Variants in MMP13 observed in about 807,000 individuals in gnomAD.
MMP13 encodes the protein collagenase 3.
In MMP13, 45 loss-of-function variants were observed where a neutral mutation model predicts 52.1. The ratio of observed to expected loss-of-function variants is 0.86; its 90% CI spans 0.68 to 1.11. MMP13 has a LOEUF of 1.11. Among genes scored for constraint, MMP13 ranks in the 50% least tolerant of loss-of-function variants. The pLI is 0.00. For synonymous variants in MMP13, 200 were observed against 204.4 expected, an observed-to-expected ratio of 0.98 and a Z score of 0.18; for missense variants, 576 against 583.8, an observed-to-expected ratio of 0.99 and a Z score of 0.14.
At chr11:102,946,856 T>A (rs1042402519) in intron 8 of MMP13, among the ~76,000 whole-genome samples, 3 of 152,170 alleles carry the variant, frequency 2.0e-5, no homozygotes, top group Non-Finnish European at 2.9e-5. Context: ...AGATGATATA[T>A]ACAGGTATGT....
chr11:102,944,454 C>G, intron 9 of MMP13, 88 bp from the exon 10 acceptor site: 1 of 937,148 alleles, frequency 1.1e-6, no homozygotes, highest in East Asian at 2.5e-5. Flanking sequence ...TCTCTTAGAT[C>G]CCATTTGTAG....
At chr11:102,951,669 T>A (rs1860614285) in intron 5 of MMP13, among the ~76,000 whole-genome samples, 1 of 152,126 alleles carries the variant, frequency 6.6e-6, no homozygotes, top group African/African-American at 2.4e-5. Context: ...ATTTTGTCAT[T>A]GGGTGAATAT....
chr11:102,946,074 A>G (rs1312191158), intron 8 of MMP13, among the ~76,000 whole-genome samples: 1 of 152,240 alleles, frequency 6.6e-6, no homozygotes, highest in Non-Finnish European at 1.5e-5. Flanking sequence ...ATGTTTGTGC[A>G]TAGAACAATT....
intron 7 of MMP13, among the ~76,000 whole-genome samples, chr11:102,948,561 T>C (rs17860565): frequency 0.011 from 1,745 of 152,264 alleles, 13 homozygotes; most frequent in Non-Finnish European, 0.02. Context: ...TGGAAATTGG[T>C]CATAATTTTA....
intron 8 of MMP13, among the ~76,000 whole-genome samples, chr11:102,946,212 T>C (rs1239343816): frequency 1.3e-5 from 2 of 152,200 alleles, no homozygotes; most frequent in African/African-American, 4.8e-5. Context: ...CATATGGTAA[T>C]ACTAAAGGTA....
chr11:102,955,466 T>C lies in MMP13; in HGVS notation c.148A>G (p.Thr50Ala). 1 of 1,614,032 alleles carries C rather than the reference T, an allele frequency of 6.2e-7. No individual in the cohort carries two copies. Among genetic ancestry groups the C allele is most frequent in the Non-Finnish European group, 8.5e-7 (1 of 1,179,926 alleles). Reference sequence around the variant, plus strand: ...TCCTTCAGGATTCCCGCGAGATTTGTAGGATGGTAGTATGATCTCAGGTAG... The same window carrying C: ...TCCTTCAGGATTCCCGCGAGATTTGCAGGATGGTAGTATGATCTCAGGTAG... ...ERYLRSYYHP[T>A]NLAGILKENA... Residue 50 changes from threonine (T) to alanine (A), a missense_variant, in exon 2 of 10, where the codon ACA becomes GCA. Physicochemically the swap from Thr to Ala is moderately conservative, Grantham distance 58. Transcript: ENST00000260302. The surrounding 1 kb of genome is among the most constrained non-coding windows in gnomAD (Gnocchi z 4.9).
intron 4 of MMP13, among the ~76,000 whole-genome samples, chr11:102,953,297 A>G (rs1445205497): frequency 6.6e-6 from 1 of 152,216 alleles, no homozygotes; most frequent in Non-Finnish European, 1.5e-5. Context: ...CCTGTGAAAT[A>G]CCCAGAACAT....
At chr11:102,948,908 T>A in intron 7 of MMP13, 117 bp downstream of exon 7, 1 of 1,396,310 alleles carries the variant, frequency 7.2e-7, no homozygotes, top group Non-Finnish European at 1.0e-6. Flanking sequence ...TTTTTAATAC[T>A]TGGTCTTTAA....
chr11:102,955,288 C>A lies in MMP13; in HGVS notation c.326G>T (p.Arg109Leu), dbSNP rs189974040. ...PDVGEYNVFP[R>L]TLKWSKMNLT... is the part of the protein sequence containing the mutation. ...ATTCATTTTGGACCATTTAAGAGTT[C>A]GAGGGAAAACATTGTATTCACCCAC... is the stretch of plus-strand genomic sequence containing the variant. Residue 109 changes from arginine (R) to leucine (L), a missense_variant, in exon 2 of 10, where the codon CGA becomes CTA. Arg to Leu is a moderately radical substitution (Grantham distance 102, BLOSUM62 -2). Coordinates refer to ENST00000260302, the MANE Select transcript of MMP13 (RefSeq NM_002427.4). The surrounding 1 kb of genome is among the most constrained non-coding windows in gnomAD (Gnocchi z 4.9). 2.7e-5 allele frequency: 43 copies of A among 1,613,850 alleles called. No homozygotes were observed. In the Admixed American group the frequency reaches 6.7e-4, roughly 25 times the overall value.
At position 102,954,504 on chromosome 11, in the gene MMP13, T is replaced by G. The variant is rs143292324; in HGVS notation, c.465A>C (p.Arg155Ser). 5 of 1,613,724 alleles carry G rather than the reference T, an allele frequency of 3.1e-6. No homozygotes were observed. In the African/African-American group the frequency reaches 6.7e-5, roughly 22 times the overall value. The change falls in exon 3 of 10, where the codon AGA becomes AGC. Residue 155 changes from arginine (R) to serine (S), a missense_variant. By Grantham distance (110) the Arg-to-Ser change is moderately radical. Transcript: ENST00000260302. Reference protein sequence around the residue: ...WSDVTPLNFTRLHDGIADIMI... With the variant: ...WSDVTPLNFTSLHDGIADIMI... ...TGATGTCAGCAATGCCATCGTGAAG[T>G]CTGGTAAAATTCAGAGGAGTTACAT...
chr11:102,951,526 G>A (rs1365247702), intron 5 of MMP13, among the ~76,000 whole-genome samples: 2 of 152,028 alleles, frequency 1.3e-5, no homozygotes, highest in African/African-American at 4.8e-5. Context: ...GATTTGGAAA[G>A]AAAAAATGGG....
At chr11:102,948,905 T>C in intron 7 of MMP13, 120 bp downstream of exon 7, 1 of 1,372,142 alleles carries the variant, frequency 7.3e-7, no homozygotes, top group Non-Finnish European at 1.0e-6. Flanking sequence ...ATTTTTTTAA[T>C]ACTTGGTCTT....
At chr11:102,953,553 C>A (rs1860646583) in intron 4 of MMP13, among the ~76,000 whole-genome samples, 1 of 152,164 alleles carries the variant, frequency 6.6e-6, no homozygotes, top group Non-Finnish European at 1.5e-5. Context: ...GATTTAACTA[C>A]TAACTGATCT....
intron 4 of MMP13, among the ~76,000 whole-genome samples, chr11:102,953,093 A>G (rs1860638241): frequency 6.6e-6 from 1 of 152,142 alleles, no homozygotes; most frequent in South Asian, 2.1e-4. Flanking sequence ...CTAATTCTTC[A>G]CTGAATGACT....
In MMP13 at chr11:102,954,566, C is replaced by A. The variant is rs759134930; in HGVS notation, c.403G>T (p.Glu135Ter). 2 of 1,613,380 alleles carry A rather than the reference C, an allele frequency of 1.2e-6. No individual in the cohort carries two copies. The highest frequency in any genetic ancestry group is 1.7e-6 in the Non-Finnish European group (2 of 1,179,674). Reference protein sequence around the residue: ...YTPDMTHSEVEKAFKKAFKVW... With the variant: ...YTPDMTHSEV ...TTGAAGGCTTTTTTGAATGCCTTTT[C>A]GACTTCAGAATGAGTCATATCAGGG... The change falls in exon 3 of 10, where the codon GAA becomes TAA. Residue 135 changes from glutamate to a stop codon, truncating the protein, a stop_gained. Transcript: ENST00000260302. LOFTEE classifies it high-confidence loss of function.
In MMP13 at chr11:102,952,053, A is replaced by G. The variant is rs782254764; in HGVS notation, c.758T>C (p.Met253Thr). The G allele has an allele frequency of 6.8e-6, 11 of 1,613,426 alleles. No individual in the cohort carries two copies. Among genetic ancestry groups the G allele is most frequent in the Non-Finnish European group, 9.3e-6 (11 of 1,179,470 alleles). The change falls in exon 5 of 10, where the codon ATG becomes ACG. Residue 253 changes from methionine to threonine, a missense_variant. Coordinates refer to ENST00000260302, the MANE Select transcript of MMP13 (RefSeq NM_002427.4). This position sits in a 1 kb window ranked among gnomAD's most constrained non-coding sequence, Gnocchi z 4.3. ...CCCTTGTACATCGTCATCAGGAAGC[A>G]TAAAGTGGCTTTTGCCGGTGTAGGT... ...IYTYTGKSHF[M>T]LPDDDVQGIQ...
At chr11:102,954,015 A>G (rs1439730030) in intron 4 of MMP13, 141 bp downstream of exon 4, 9 of 916,790 alleles carry the variant, frequency 9.8e-6, no homozygotes, top group Admixed American at 2.5e-5. Context: ...TAGAGACACT[A>G]ATACATCTAA....
chr11:102,954,522 A>C lies in MMP13; in HGVS notation c.447T>G (p.Thr149=), dbSNP rs746081572. ...CGTGAAGTCTGGTAAAATTCAGAGGAGTTACATCGGACCAAACTTTGAAGG... is the reference window on the plus strand; with the variant it reads ...CGTGAAGTCTGGTAAAATTCAGAGGCGTTACATCGGACCAAACTTTGAAGG... ...KKAFKVWSDV[T]PLNFTRLHDG... The change falls in exon 3 of 10, where the codon ACT becomes ACG. Residue 149 remains threonine (T), a synonymous_variant. Transcript: ENST00000260302. 1.1e-5 allele frequency: 18 copies of C among 1,613,586 alleles called. No individual in the cohort carries two copies. Among genetic ancestry groups the C allele is most frequent in the Non-Finnish European group, 1.5e-5 (18 of 1,179,750 alleles).
rs782188703 is a variant in MMP13 at position 102,945,711 on chromosome 11, G to A, written c.1250C>T (p.Pro417Leu). ...TGGGAAGTCTTCTTCTATTAGTCTC[G>A]GATAGTCTTTATCCATAATATGGTT... is the stretch of plus-strand genomic sequence containing the variant. ...DTNHIMDKDY[P>L]RLIEEDFPGI... The change falls in exon 9 of 10, where the codon CCG becomes CTG. Residue 417 changes from proline (P) to leucine (L), a missense_variant. Physicochemically the swap from Pro to Leu is moderately conservative, Grantham distance 98 (BLOSUM62 -3). Transcript: ENST00000260302. 16 of 1,601,972 alleles carry A rather than the reference G, an allele frequency of 1.0e-5. No homozygotes were observed. The highest frequency in any genetic ancestry group is 6.7e-5 in the African/African-American group (5 of 74,524).
Sources: allele counts gnomAD v4.1 joint callset (sites outside exome capture counted in the v4.1 genomes callset), GRCh38; gene constraint gnomAD v4.1.1; non-coding constraint Gnocchi (gnomAD v3.1); transcripts MANE v1.5; gene names NCBI Gene and HGNC (gene_info 2026-07-23, HGNC 2026-07-21).